HPSE2: variants seen among roughly 807,000 people sequenced by gnomAD.
HPSE2 encodes inactive heparanase-2.
In HPSE2, 38 loss-of-function variants were observed where a neutral mutation model predicts 60.5. The ratio of observed to expected loss-of-function variants is 0.63; its 90% CI spans 0.48 to 0.82. The LOEUF (loss-of-function observed/expected upper bound fraction) is 0.82, where lower values mean the gene tolerates loss of function less well. Among genes scored for constraint, HPSE2 ranks in the 40% least tolerant of loss-of-function variants. HPSE2 has a pLI of 0.00. For missense variants in HPSE2, 713 were observed against 740.4 expected (o/e 0.96, Z 0.43); for synonymous variants, 295 against 293.2 (o/e 1.01, Z -0.06).
chr10:98,539,149 C>G (rs1943380777), intron 9 of HPSE2, among the ~76,000 whole-genome samples: 1 of 152,176 alleles, frequency 6.6e-6, no homozygotes, highest in African/African-American at 2.4e-5. Flanking sequence ...CCTCTCTTGT[C>G]AAACCATTTT....
chr10:98,565,830 T>C (rs948688978), intron 9 of HPSE2, among the ~76,000 whole-genome samples: 2 of 142,838 alleles, frequency 1.4e-5, no homozygotes, highest in African/African-American at 5.1e-5. Flanking sequence ...TTTTATTAAA[T>C]CTTCATAAAA....
At chr10:99,160,622 G>T (rs547784136) in intron 2 of HPSE2, among the ~76,000 whole-genome samples, 1 of 152,142 alleles carries the variant, frequency 6.6e-6, no homozygotes, top group Non-Finnish European at 1.5e-5. Context: ...CTACATGGCC[G>T]GGCGCGGTGG....
At chr10:98,465,267 G>C (rs972634559) in intron 11 of HPSE2, among the ~76,000 whole-genome samples, 8 of 152,120 alleles carry the variant, frequency 5.3e-5, no homozygotes, top group Non-Finnish European at 1.2e-4. Context: ...TATGCAAAAG[G>C]CACTATGCTA....
At chr10:99,263,202 C>T in the HPSE2 span, among the ~76,000 whole-genome samples, 2 of 152,130 alleles carry the variant, frequency 1.3e-5, no homozygotes, top group Non-Finnish European at 2.9e-5. Flanking sequence ...ATGGCAGTTC[C>T]ACCAGGCCTA....
the HPSE2 span, among the ~76,000 whole-genome samples, chr10:99,303,607 T>G: frequency 6.6e-6 from 1 of 152,326 alleles, no homozygotes; most frequent in Admixed American, 6.5e-5. Context: ...GAATAGCTAG[T>G]TGGGTACACC....
chr10:98,795,067 A>AAGGAAGGAAGGAAGGACG, intron 3 of HPSE2, among the ~76,000 whole-genome samples: 1 of 27,568 alleles, frequency 3.6e-5, no homozygotes, highest in South Asian at 1.2e-3. Context: ...AAGGAAGGAA[A>AAGGAAGGAAGGAAGGACG]GAAGGAAGGA....
At chr10:98,860,819 G>T (rs775004748) in intron 3 of HPSE2, among the ~76,000 whole-genome samples, 21 of 151,990 alleles carry the variant, frequency 1.4e-4, no homozygotes, top group Admixed American at 5.9e-4. Flanking sequence ...CAAAATAATT[G>T]TATTTATGGT....
chr10:98,668,481 G>A (rs1399287887), intron 6 of HPSE2, among the ~76,000 whole-genome samples: 1 of 152,030 alleles, frequency 6.6e-6, no homozygotes, highest in South Asian at 2.1e-4. Context: ...AAAGAACAAC[G>A]CCAGAGACAT....
chr10:98,807,707 A>G (rs938060682), intron 3 of HPSE2, among the ~76,000 whole-genome samples: 1 of 152,202 alleles, frequency 6.6e-6, no homozygotes, highest in Non-Finnish European at 1.5e-5. Context: ...TCAAGGTAGG[A>G]CATTTAAACC....
At chr10:98,923,360 C>T (rs1212634211) in intron 3 of HPSE2, among the ~76,000 whole-genome samples, 4 of 152,068 alleles carry the variant, frequency 2.6e-5, no homozygotes, top group African/African-American at 4.8e-5. Context: ...TTATTAAATG[C>T]CTTGGGGTAG....
At chr10:99,152,082 C>T (rs1003083467) in intron 2 of HPSE2, among the ~76,000 whole-genome samples, 4 of 151,726 alleles carry the variant, frequency 2.6e-5, no homozygotes, top group East Asian at 1.9e-4. Context: ...GAGGCCGAGG[C>T]GGGCAGATCA....
At chr10:99,099,779 C>G (rs1356676961) in intron 3 of HPSE2, among the ~76,000 whole-genome samples, 1 of 152,124 alleles carries the variant, frequency 6.6e-6, no homozygotes, top group Admixed American at 6.5e-5. Context: ...GGCTGGGTAT[C>G]CCTCTGAGAC....
rs151180381 is a variant in HPSE2 at position 98,998,486 on chromosome 10, T to G, written c.610+145752A>C. Among the ~76,000 whole-genome samples, 554 of 152,296 alleles carry G rather than the reference T, an allele frequency of 3.6e-3. 5 individuals are homozygous for G. Among genetic ancestry groups the G allele is most frequent in the African/African-American group, 0.013 (532 of 41,572 alleles). On this transcript the variant is annotated intron_variant, in intron 3 of 11. Coordinates refer to ENST00000370552, the MANE Select transcript of HPSE2 (RefSeq NM_021828.5). ...GTAGTATCTGCCTAAGAAGGCTTCTTGTAAGAAGGGCATCGACATGCCTGT... is the reference window on the plus strand; with the variant it reads ...GTAGTATCTGCCTAAGAAGGCTTCTGGTAAGAAGGGCATCGACATGCCTGT...
intron 6 of HPSE2, among the ~76,000 whole-genome samples, chr10:98,646,200 G>A (rs1349560234): frequency 6.6e-6 from 1 of 152,064 alleles, no homozygotes; most frequent in African/African-American, 2.4e-5. Context: ...TGTGGTGATA[G>A]GTCCAATATA....
chr10:98,639,889 A>AC (rs1286380655), intron 7 of HPSE2, among the ~76,000 whole-genome samples: 1 of 152,190 alleles, frequency 6.6e-6, no homozygotes, highest in Non-Finnish European at 1.5e-5. Context: ...CAAACTCAAG[A>AC]CTGGAAAAGC....
At chr10:98,954,928 TTCA>T (rs1262878658) in intron 3 of HPSE2, among the ~76,000 whole-genome samples, 1 of 150,282 alleles carries the variant, frequency 6.7e-6, no homozygotes. Context: ...AAGTTGAGTA[TTCA>T]ATACTCAGTG....
At position 98,459,718 on chromosome 10, in the gene HPSE2, C is replaced by T; in HGVS notation, c.1635G>A (p.Gln545=). 6.2e-7 allele frequency: 1 copy of T among 1,613,856 alleles called. No homozygotes were observed. Among genetic ancestry groups the T allele is most frequent in the Non-Finnish European group, 8.5e-7 (1 of 1,179,916 alleles). The change falls in exon 12 of 12, where the codon CAG becomes CAA. Residue 545 remains glutamine, a synonymous_variant. Transcript: ENST00000370552. ...LKSKSVQLNG[Q]PLVMVDDGTL... is the part of the protein sequence containing the mutation. ...TCCCGTCGTCCACCATCACTAAGGG[C>T]TGGCCATTCAGTTGCACTGACCTAC...
At chr10:98,963,541 C>G (rs1955736209) in intron 3 of HPSE2, among the ~76,000 whole-genome samples, 1 of 152,098 alleles carries the variant, frequency 6.6e-6, no homozygotes, top group Non-Finnish European at 1.5e-5. Context: ...CTTTCATTTT[C>G]TTACTCATCC....
At chr10:99,142,063 CATAA>C (rs1845883923) in intron 3 of HPSE2, among the ~76,000 whole-genome samples, 1 of 152,160 alleles carries the variant, frequency 6.6e-6, no homozygotes, top group Admixed American at 6.5e-5. Flanking sequence ...TGTGTTCGCA[CATAA>C]ATACTTTCAT....
Sources: gnomAD v4.1 joint callset for allele counts (sites outside exome capture counted in the v4.1 genomes callset) on GRCh38, gnomAD v4.1.1 for gene constraint, MANE v1.5 for transcripts, NCBI Gene and HGNC (gene_info 2026-07-23, HGNC 2026-07-21) for gene names.